KIF20B: variants seen among roughly 807,000 people sequenced by gnomAD.
KIF20B encodes kinesin-like protein KIF20B.
Under a neutral mutation model 232.5 loss-of-function variants are expected in KIF20B, and 188 were observed. That is an observed-to-expected ratio of 0.81 (90% CI 0.72 to 0.91). The LOEUF is 0.91. Among genes scored for constraint, KIF20B ranks in the 40% least tolerant of loss-of-function variants. The pLI, the probability that KIF20B is intolerant of heterozygous loss-of-function variation, is 0.00. For synonymous variants in KIF20B, 712 were observed against 683.0 expected, an observed-to-expected ratio of 1.04 and a Z score of -0.66; for missense variants, 2,154 against 2,055.9, an observed-to-expected ratio of 1.05 and a Z score of -0.92.
chr10:89,758,947 T>A, intron 27 of KIF20B, 65 bp downstream of exon 27: 1 of 1,028,760 alleles, frequency 9.7e-7, no homozygotes, highest in East Asian at 2.9e-5. Context: ...GACTAACTCT[T>A]AAAGAATAAA....
chr10:89,719,365 A>T lies in KIF20B; in HGVS notation c.1435-54A>T, dbSNP rs796204955. 5 of 1,211,636 alleles carry T rather than the reference A, an allele frequency of 4.1e-6. No homozygotes were observed. In the African/African-American group the frequency reaches 7.6e-5, roughly 18 times the overall value. The allele number at this position is 1,211,636 out of a possible 1,614,324, so 75.1% of individuals were successfully genotyped here. On this transcript the variant is annotated intron_variant, in intron 12 of 32. Coordinates refer to ENST00000371728, the MANE Select transcript of KIF20B (RefSeq NM_001284259.2). ...TAAATTTATAAAATAATCATTTTCT[A>T]GTGGACAGTTCTTGTCTTTTCTGTT...
rs894545117 is a variant in KIF20B, at chr10:89,774,255, G to C, written c.*207G>C. 1 of 331,508 alleles carries C rather than the reference G, an allele frequency of 3.0e-6. No individual in the cohort carries two copies. The highest frequency in any genetic ancestry group is 4.9e-5 in the Admixed American group (1 of 20,502). The allele number at this position is 331,508 out of a possible 1,614,324, so 20.5% of individuals were successfully genotyped here. On this transcript the variant is annotated 3_prime_UTR_variant, in exon 33 of 33. Transcript: ENST00000371728. The stretch of plus-strand genomic sequence containing the variant: ...TTTTTATAATAGCTTCTTTCAAACT[G>C]TATTTCCCTATTATCTCAGACATTG...
rs1049527827 is a variant in KIF20B, at chr10:89,724,394, G to C, written c.1862+291G>C. 9.9e-4 allele frequency among the ~76,000 whole-genome samples: 151 copies of C among 152,166 alleles called. 1 individual carries two copies. Among genetic ancestry groups the C allele is most frequent in the Non-Finnish European group, 1.9e-4 (13 of 67,990 alleles). ...ATAGAAAAATTAGCTGGGCGTACTG[G>C]CATGTTCCTGAAGTCCCAGCTGCTT... On this transcript the variant is annotated intron_variant, in intron 14 of 32. Coordinates refer to ENST00000371728, the MANE Select transcript of KIF20B (RefSeq NM_001284259.2).
At chr10:89,702,677 T>C (rs922453429) in intron 1 of KIF20B, among the ~76,000 whole-genome samples, 15 of 152,026 alleles carry the variant, frequency 9.9e-5, no homozygotes, top group African/African-American at 3.6e-4. Context: ...AGTTTTCCAG[T>C]CAGAGCAGCC....
intron 23 of KIF20B, among the ~76,000 whole-genome samples, chr10:89,747,836 T>C (rs1164029882): frequency 6.6e-6 from 1 of 151,804 alleles, no homozygotes; most frequent in South Asian, 2.1e-4. Flanking sequence ...TGTATACATA[T>C]GTAACTAACC....
intron 29 of KIF20B, among the ~76,000 whole-genome samples, chr10:89,765,568 G>T (rs367900504): frequency 1.3e-5 from 2 of 152,052 alleles, no homozygotes; most frequent in Non-Finnish European, 2.9e-5. Context: ...AAAAGAGCCC[G>T]CATCGCCAAG....
chr10:89,763,646 T>C (rs537226836), intron 29 of KIF20B, among the ~76,000 whole-genome samples: 2 of 152,200 alleles, frequency 1.3e-5, no homozygotes, highest in African/African-American at 4.8e-5. Context: ...TATTAACCTC[T>C]TCTTACTGCA....
At position 89,711,075 on chromosome 10, in the gene KIF20B, T is replaced by C. The variant is rs758511172; in HGVS notation, c.605T>C (p.Leu202Ser). The C allele has an allele frequency of 6.2e-7, 1 of 1,604,898 alleles. No homozygotes were observed. The highest frequency in any genetic ancestry group is 8.5e-7 in the Non-Finnish European group (1 of 1,174,678). Reference protein sequence around the residue: ...NLKPHRSREYLRLSSEQEKEE... With the variant: ...NLKPHRSREYSRLSSEQEKEE... Reference sequence around the variant, plus strand: ...AAACCACATAGATCCAGAGAATACTTAAGGTTATCATCAGAACAAGAGAAA... The same window carrying C: ...AAACCACATAGATCCAGAGAATACTCAAGGTTATCATCAGAACAAGAGAAA... Residue 202 changes from leucine to serine, a missense_variant, in exon 6 of 33, where the codon TTA (leucine) becomes TCA (serine). Physicochemically the swap from Leu to Ser is moderately radical, Grantham distance 145. Transcript: ENST00000371728.
At chr10:89,741,946 A>G (rs1841803710) in intron 21 of KIF20B, among the ~76,000 whole-genome samples, 1 of 152,186 alleles carries the variant, frequency 6.6e-6, no homozygotes, top group African/African-American at 2.4e-5. Context: ...TTACTTAATA[A>G]TGGTCTCAAC....
chr10:89,768,047 T>C (rs1842398362), intron 29 of KIF20B, among the ~76,000 whole-genome samples: 1 of 152,062 alleles, frequency 6.6e-6, no homozygotes, highest in Admixed American at 6.6e-5. Flanking sequence ...CTGTGCATTG[T>C]AGGGATGTTT....
chr10:89,732,905 C>T lies in KIF20B; in HGVS notation c.2394C>T (p.Asp798=). 1.3e-6 allele frequency: 2 copies of T among 1,579,378 alleles called. No individual in the cohort carries two copies. Among genetic ancestry groups the T allele is most frequent in the East Asian group, 2.3e-5 (1 of 44,186 alleles). Residue 798 remains aspartate, a splice_region_variant and synonymous_variant, in exon 19 of 33, where the codon GAC becomes GAT. Coordinates refer to ENST00000371728, the MANE Select transcript of KIF20B (RefSeq NM_001284259.2). ...SHMENTFKCN[D]KADTSSLIIN... ...ATTTTTAACTTATTTTGCTTTAGGA[C>T]AAGGCTGATACATCTTCTTTAATAA...
chr10:89,704,691 G>A (rs1020363484), intron 1 of KIF20B, among the ~76,000 whole-genome samples: 2 of 152,102 alleles, frequency 1.3e-5, no homozygotes, highest in African/African-American at 4.8e-5. Context: ...GAGTAGCTGG[G>A]ATTACAGGTG....
At chr10:89,720,413 G>A (rs1376384670) in intron 13 of KIF20B, among the ~76,000 whole-genome samples, 1 of 152,120 alleles carries the variant, frequency 6.6e-6, no homozygotes, top group East Asian at 1.9e-4. Flanking sequence ...TCTTAGAGAT[G>A]CTAAGTTTTG....
chr10:89,757,069 T>TAC lies in KIF20B; in HGVS notation c.4504-1631_4504-1630dup, dbSNP rs1554852937. Among the ~76,000 whole-genome samples the TAC allele has an allele frequency of 3.0e-3, 399 of 134,332 alleles. 5 individuals carry two copies. The highest frequency in any genetic ancestry group is 9.4e-3 in the African/African-American group (340 of 36,256). 88.1% of individuals were successfully genotyped at this position (134,332 alleles called of 152,430 possible). A position where few individuals can be genotyped will look rare whatever the true frequency, so the allele number is the denominator to read the frequency against. ...ATATATATATATATATATATATATA[T>TAC]ACACACATGACAATTGCTAGATGAT... On this transcript the variant is annotated intron_variant, in intron 26 of 32. Transcript: ENST00000371728.
At chr10:89,719,758 A>G (rs774462982) in intron 13 of KIF20B, 52 bp downstream of exon 13, 17 of 1,409,510 alleles carry the variant, frequency 1.2e-5, no homozygotes, top group Middle Eastern at 2.5e-4. Flanking sequence ...TCTGAAGTTA[A>G]GGTTAAATCT....
chr10:89,702,356 A>T (rs915591506), intron 1 of KIF20B, among the ~76,000 whole-genome samples: 1 of 152,170 alleles, frequency 6.6e-6, no homozygotes, highest in Admixed American at 6.5e-5. Flanking sequence ...GGCTTTCTCC[A>T]TCTCGATTCG....
In KIF20B at chr10:89,763,825, T is replaced by G. The variant is rs1000040218; in HGVS notation, c.4989+990T>G. 3.4e-5 allele frequency among the ~76,000 whole-genome samples: 5 copies of G among 147,674 alleles called. 1 individual carries two copies. The highest frequency in any genetic ancestry group is 4.2e-4 in the South Asian group (2 of 4,784). On this transcript the variant is annotated intron_variant, in intron 29 of 32. Transcript: ENST00000371728. ...GCAGTTACATTTATTAATATAACTA[T>G]TATTACTATTTATTAATAGTTACTA...
At chr10:89,763,268 G>A (rs1305095984) in intron 29 of KIF20B, among the ~76,000 whole-genome samples, 2 of 152,266 alleles carry the variant, frequency 1.3e-5, no homozygotes, top group Non-Finnish European at 2.9e-5. Context: ...GTGATAGAGC[G>A]AGACTGTCTC....
chr10:89,739,209 T>A, intron 21 of KIF20B, 113 bp downstream of exon 21: 1 of 1,210,082 alleles, frequency 8.3e-7, no homozygotes, highest in Admixed American at 2.8e-5. Context: ...ACTTTATAAT[T>A]TTTCTTAAAA....
Sources: gnomAD v4.1 joint callset for allele counts (sites outside exome capture counted in the v4.1 genomes callset) on GRCh38, gnomAD v4.1.1 for gene constraint, MANE v1.5 for transcripts, NCBI Gene and HGNC (gene_info 2026-07-23, HGNC 2026-07-21) for gene names.